Variants in PLCZ1 observed in about 807,000 individuals in gnomAD.
PLCZ1 encodes phospholipase C zeta 1.
PLCZ1 carries 64 observed loss-of-function variants against 76.8 expected under a neutral mutation model. That is an observed-to-expected ratio of 0.83 (90% CI 0.68 to 1.03). PLCZ1 has a LOEUF of 1.03. Among genes scored for constraint, PLCZ1 ranks in the 50% least tolerant of loss-of-function variants. The pLI is 0.00. For missense variants in PLCZ1, 751 were observed against 713.7 expected (o/e 1.05, Z -0.60); for synonymous variants, 248 against 230.8 (o/e 1.07, Z -0.68).
chr12:18,683,132 T>G, downstream of PLCZ1: 1 of 937,688 alleles, frequency 1.1e-6, no homozygotes, highest in Non-Finnish European at 1.7e-6. Context: ...TTTCTAGTTT[T>G]ATGAGTAATT....
chr12:18,714,721 G>A (rs751295181), intron 5 of PLCZ1: 1 of 152,188 alleles, frequency 6.6e-6, no homozygotes, highest in Non-Finnish European at 1.5e-5. Context: ...ATTTGGCAAT[G>A]TCTGGAGACA....
the PLCZ1 span, among the ~76,000 whole-genome samples, chr12:18,647,677 C>T: frequency 2.8e-4 from 43 of 152,086 alleles, 1 homozygote; most frequent in African/African-American, 1.0e-3. Context: ...CAAAAATAGC[C>T]TGTCATTAAA....
At chr12:18,682,522 G>A (rs1268664627), downstream of PLCZ1, among the ~76,000 whole-genome samples, 1 of 152,024 alleles carries the variant, frequency 6.6e-6, no homozygotes, top group Non-Finnish European at 1.5e-5. Context: ...CAGCAAGTGA[G>A]ATAGCACAGG....
chr12:18,736,439 T>C (rs995951832), intron 2 of PLCZ1, 95 bp from the exon 3 acceptor site: 2 of 1,354,680 alleles, frequency 1.5e-6, no homozygotes, highest in Non-Finnish European at 2.0e-6. Context: ...TTATTTTTAT[T>C]TTTAAAGAAT....
chr12:18,736,743 CT>C, intron 2 of PLCZ1: 1 of 1,184,738 alleles, frequency 8.4e-7, no homozygotes, highest in Non-Finnish European at 1.1e-6. Context: ...CAAATTAACC[CT>C]GAATCTTAAG....
At chr12:18,684,892 T>TG (rs1175144531) in intron 13 of PLCZ1, among the ~76,000 whole-genome samples, 1 of 151,908 alleles carries the variant, frequency 6.6e-6, no homozygotes, top group African/African-American at 2.4e-5. Flanking sequence ...TGAGATCTGA[T>TG]GGTTTTATAA....
the PLCZ1 span, among the ~76,000 whole-genome samples, chr12:18,670,308 ACAC>A: frequency 6.6e-6 from 1 of 152,114 alleles, no homozygotes; most frequent in African/African-American, 2.4e-5. Flanking sequence ...ACACACACAC[ACAC>A]AACATCAGAA....
intron 3 of PLCZ1, 24 bp downstream of exon 3, chr12:18,736,197 G>C: frequency 1.2e-6 from 2 of 1,609,362 alleles, no homozygotes; most frequent in Non-Finnish European, 1.7e-6. Context: ...GGATAGGATA[G>C]GCAGGGGGTG....
the PLCZ1 span, among the ~76,000 whole-genome samples, chr12:18,675,786 A>G: frequency 6.6e-6 from 1 of 150,564 alleles, no homozygotes; most frequent in African/African-American, 2.4e-5. Flanking sequence ...CAAATACCAC[A>G]TGTTCTCACT....
At chr12:18,661,390 A>G in the PLCZ1 span, among the ~76,000 whole-genome samples, 2 of 150,714 alleles carry the variant, frequency 1.3e-5, no homozygotes, top group East Asian at 3.9e-4. Context: ...GAGAGAGAGA[A>G]TCTTGAAAGC....
chr12:18,655,750 GAAAAA>G, the PLCZ1 span, among the ~76,000 whole-genome samples: 2 of 145,136 alleles, frequency 1.4e-5, no homozygotes, highest in African/African-American at 5.1e-5. Context: ...ACCTTATCAT[GAAAAA>G]AAAAAAAAAA....
At chr12:18,736,747 A>C in intron 2 of PLCZ1, 2 of 1,151,356 alleles carry the variant, frequency 1.7e-6, no homozygotes, top group South Asian at 1.3e-5. Flanking sequence ...TTAACCCTGA[A>C]TCTTAAGGAA....
chr12:18,683,168 A>G, downstream of PLCZ1: 1 of 1,307,132 alleles, frequency 7.7e-7, no homozygotes, highest in Non-Finnish European at 1.1e-6. Flanking sequence ...TAAAAAAGAA[A>G]ACATAAAGAC....
At chr12:18,706,133 T>C (rs576407285) in intron 6 of PLCZ1, among the ~76,000 whole-genome samples, 1 of 151,076 alleles carries the variant, frequency 6.6e-6, no homozygotes, top group South Asian at 2.1e-4. Context: ...CCTGGGAGGC[T>C]GAGGCAGGAG....
At chr12:18,650,293 TTCTCTCTC>T in the PLCZ1 span, among the ~76,000 whole-genome samples, 13,990 of 87,200 alleles carry the variant, frequency 0.16, 1,536 homozygotes, top group South Asian at 0.29. Context: ...TAACCCAAAT[TTCTCTCTC>T]TCTCTCTCTC....
downstream of PLCZ1, among the ~76,000 whole-genome samples, chr12:18,678,250 T>C (rs781361773): frequency 3.3e-5 from 5 of 152,094 alleles, no homozygotes; most frequent in Non-Finnish European, 7.4e-5. Context: ...CTGAGCCAAA[T>C]AAACCTTTCA....
At chr12:18,702,146 A>T (rs1378084284) in intron 7 of PLCZ1, among the ~76,000 whole-genome samples, 1 of 152,120 alleles carries the variant, frequency 6.6e-6, no homozygotes, top group Non-Finnish European at 1.5e-5. Flanking sequence ...GCTTCAGCTC[A>T]TCATTTTCTT....
intron 6 of PLCZ1, among the ~76,000 whole-genome samples, chr12:18,712,108 G>A (rs1326289453): frequency 6.6e-6 from 1 of 152,078 alleles, no homozygotes; most frequent in Non-Finnish European, 1.5e-5. Context: ...TTAGTACGTA[G>A]TAAGAATTCT....
the PLCZ1 span, among the ~76,000 whole-genome samples, chr12:18,674,937 A>G: frequency 1.3e-5 from 2 of 152,122 alleles, no homozygotes; most frequent in Admixed American, 6.6e-5. Flanking sequence ...CTATGTTAGC[A>G]TTCAACTGAG....
Sources: allele counts gnomAD v4.1 joint callset (sites outside exome capture counted in the v4.1 genomes callset), GRCh38; gene constraint gnomAD v4.1.1; transcripts MANE v1.5; gene names NCBI Gene and HGNC (gene_info 2026-07-23, HGNC 2026-07-21).